REXO1: variants seen among roughly 807,000 people sequenced by gnomAD.
The protein encoded by REXO1 is REX1, RNA exonuclease 1 homolog.
Under a neutral mutation model 102.6 loss-of-function variants are expected in REXO1, and 42 were observed. The observed-to-expected ratio is 0.41, with a 90% CI of 0.32 to 0.53. The LOEUF (loss-of-function observed/expected upper bound fraction) is 0.53. Ranked by LOEUF, REXO1 falls within the 20% of genes least tolerant of loss-of-function variation. The probability of loss-of-function intolerance (pLI) is 0.27; values close to 1 mark genes in which losing one functional copy is unlikely to be tolerated. For missense variants in REXO1, 1,819 were observed against 1,732.5 expected (o/e 1.05, Z -0.89); for synonymous variants, 908 against 779.1 (o/e 1.17, Z -2.76).
Position 1,828,377 on chromosome 19 carries a change from C to G in REXO1, c.412G>C (p.Val138Leu), listed in dbSNP as rs376388296. 4.0e-5 allele frequency: 65 copies of G among 1,608,714 alleles called. No individual in the cohort carries two copies. Among genetic ancestry groups the G allele is most frequent in the Non-Finnish European group, 5.0e-5 (59 of 1,177,852 alleles). Residue 138 changes from valine to leucine, a missense_variant, in exon 2 of 16, where the codon GTG (valine) becomes CTG (leucine). Physicochemically the swap from Val to Leu is conservative, Grantham distance 32. Coordinates refer to ENST00000170168, the MANE Select transcript of REXO1 (RefSeq NM_020695.4). ...GGGAAGGCATCCTCGTCCGGGCCCA[C>G]AGTGGGGCTGGCGTTGGGGCCGCGG... ...APRGPNASPT[V>L]GPDEDAFPLA...
In REXO1 at chr19:1,816,180, C is replaced by G. The variant is rs763988557; in HGVS notation, c.3578-26G>C. ...CTGCGGGGCAGATGCGGTGAGCACC[C>G]GGCCCCTGCGCAGGGACGGCCCCAG... On this transcript the variant is annotated intron_variant, in intron 15 of 15. Transcript: ENST00000170168. 1.9e-6 allele frequency: 3 copies of G among 1,557,932 alleles called. No homozygotes were observed. The Admixed American group carries it at 5.8e-5, about 30-fold the overall frequency.
Position 1,828,304 on chromosome 19 carries a change from T to C in REXO1, c.485A>G (p.Asp162Gly). The C allele has an allele frequency of 6.2e-7, 1 of 1,608,598 alleles. No homozygotes were observed. ...CAGTGGGGTGGGCTGGTAGCCGGCA[T>C]CAGGGCTTAATAGGCCGTGGCTGCC... is the stretch of plus-strand genomic sequence containing the variant. ...SPGSHGLLSP[D>G]AGYQPTPLAA... Residue 162 changes from aspartate (D) to glycine (G), a missense_variant, in exon 2 of 16, where the codon GAT becomes GGT. Physicochemically the swap from Asp to Gly is moderately conservative, Grantham distance 94. Transcript: ENST00000170168.
At chr19:1,840,188 C>G (rs535065968) in intron 1 of REXO1, among the ~76,000 whole-genome samples, 1 of 152,230 alleles carries the variant, frequency 6.6e-6, no homozygotes, top group African/African-American at 2.4e-5. Context: ...GGCCCTGCCC[C>G]CTGCCAGGCT....
At chr19:1,823,226 C>A (rs961723123) in intron 4 of REXO1, 37 of 292,792 alleles carry the variant, frequency 1.3e-4, no homozygotes, top group Non-Finnish European at 1.3e-4. Context: ...GAAAGCCACA[C>A]CTGCAGAAGC....
chr19:1,846,707 T>A (rs1027382474), intron 1 of REXO1, among the ~76,000 whole-genome samples: 2 of 151,968 alleles, frequency 1.3e-5, no homozygotes, highest in South Asian at 4.1e-4. Flanking sequence ...CTGGACAACA[T>A]AGCGAGACCC....
chr19:1,848,227 G>C lies in REXO1; in HGVS notation c.132C>G (p.Asp44Glu), dbSNP rs1291812798. The C allele has an allele frequency of 2.4e-6, 3 of 1,227,060 alleles. No individual in the cohort carries two copies. The highest frequency in any genetic ancestry group is 6.5e-5 in the East Asian group (2 of 30,910). The allele number at this position is 1,227,060 out of a possible 1,614,324, so 76.0% of individuals were successfully genotyped here. A position where few individuals can be genotyped will look rare whatever the true frequency, so the allele number is the denominator to read the frequency against. ...RGARGSGAPG[D>E]GGEAPPAAGL... ...CTGCTGCGGGGGGCGCCTCTCCGCC[G>C]TCACCGGGCGCGCCGGAGCCCCGGG... Residue 44 changes from aspartate to glutamate, a missense_variant, in exon 1 of 16, where the codon GAC becomes GAG. Coordinates refer to ENST00000170168, the MANE Select transcript of REXO1 (RefSeq NM_020695.4).
At chr19:1,842,945 T>TG (rs1438879642) in intron 1 of REXO1, among the ~76,000 whole-genome samples, 2 of 152,188 alleles carry the variant, frequency 1.3e-5, no homozygotes, top group African/African-American at 4.8e-5. Flanking sequence ...GCCATCCACC[T>TG]GGGGGAGAGC....
chr19:1,823,883 G>A (rs2069626857), intron 3 of REXO1, 98 bp from the exon 4 acceptor site: 3 of 478,806 alleles, frequency 6.3e-6, no homozygotes, highest in Non-Finnish European at 1.0e-5. Flanking sequence ...GAGCTCGGGG[G>A]CCGGAGGCAC....
chr19:1,847,476 C>T (rs1202534240), intron 1 of REXO1, among the ~76,000 whole-genome samples: 2 of 151,958 alleles, frequency 1.3e-5, no homozygotes, highest in African/African-American at 2.4e-5. Flanking sequence ...ACTCGATAAC[C>T]CTCCCTCCAC....
chr19:1,823,306 G>C, intron 4 of REXO1: 1 of 386,480 alleles, frequency 2.6e-6, no homozygotes, highest in Non-Finnish European at 4.6e-6. Context: ...CTCAGGCCCT[G>C]GTTCAGCCCA....
At chr19:1,817,893 G>A in intron 10 of REXO1, 113 bp from the exon 11 acceptor site, 1 of 791,342 alleles carries the variant, frequency 1.3e-6, no homozygotes, top group Non-Finnish European at 2.1e-6. Context: ...ACTGAGGACA[G>A]GAGGCCTCAG....
In REXO1 at chr19:1,827,014, C is replaced by CTGGAGG. The variant is rs760725493; in HGVS notation, c.1769_1774dup (p.Thr590_Ser591dup). 4.9e-5 allele frequency: 70 copies of CTGGAGG among 1,436,754 alleles called. 1 individual carries two copies. The highest frequency in any genetic ancestry group is 4.7e-4 in the East Asian group (15 of 32,054). The allele number at this position is 1,436,754 out of a possible 1,614,324, so 89.0% of individuals were successfully genotyped here. On this transcript the variant is annotated inframe_insertion, in exon 2 of 16. Coordinates refer to ENST00000170168, the MANE Select transcript of REXO1 (RefSeq NM_020695.4). ...CGAGTAGTCCACATCCGCCCCCGCGCTGGAGGTGGAGGAGGAGGAGGAGGA... is the reference window on the plus strand; with the variant it reads ...CGAGTAGTCCACATCCGCCCCCGCGCTGGAGGTGGAGGTGGAGGAGGAGGAGGAGGA...
rs397774686 is a variant in REXO1 at position 1,824,799 on chromosome 19, T to TATC, written c.2017-1015_2017-1014insGAT. ...GGATAACTCATTTTATGTATTTATCTTTTTGAGACAGAGTCTTGCCTTGTC... is the reference window on the plus strand; with the variant it reads ...GGATAACTCATTTTATGTATTTATCTATCTTTTGAGACAGAGTCTTGCCTTGTC... On this transcript the variant is annotated intron_variant, in intron 3 of 15. Transcript: ENST00000170168. 7.6e-4 allele frequency among the ~76,000 whole-genome samples: 116 copies of TATC among 151,952 alleles called. 2 individuals carry two copies. Among genetic ancestry groups the TATC allele is most frequent in the South Asian group, 4.8e-3 (23 of 4,804 alleles).
rs796795122 is a variant in REXO1 at position 1,839,224 on chromosome 19, C to T, written c.157+8978G>A. On this transcript the variant is annotated intron_variant, in intron 1 of 15. Coordinates refer to ENST00000170168, the MANE Select transcript of REXO1 (RefSeq NM_020695.4). ...GAGCCAAGATCACGCCACTGCACTCCAGCCAGGGCGACAGAGCGAGACTCT... is the reference window on the plus strand; with the variant it reads ...GAGCCAAGATCACGCCACTGCACTCTAGCCAGGGCGACAGAGCGAGACTCT... Among the ~76,000 whole-genome samples the T allele has an allele frequency of 1.1e-4, 16 of 150,676 alleles. 2 individuals carry two copies. Among genetic ancestry groups the T allele is most frequent in the African/African-American group, 3.9e-4 (16 of 40,836 alleles).
chr19:1,827,637 T>C lies in REXO1; in HGVS notation c.1152A>G (p.Pro384=), dbSNP rs777955978. The change falls in exon 2 of 16, where the codon CCA becomes CCG. Residue 384 remains proline (P), a synonymous_variant. Transcript: ENST00000170168. ...GKPKKKKTGA[P]PAPSCKDGAQ... ...CCCCGTCTTTGCAGCTGGGGGCAGG[T>C]GGGGCCCCGGTTTTTTTCTTCTTGG... 3.2e-6 allele frequency: 5 copies of C among 1,572,370 alleles called. No homozygotes were observed. The highest frequency in any genetic ancestry group is 2.3e-5 in the South Asian group (2 of 85,604).
intron 1 of REXO1, among the ~76,000 whole-genome samples, chr19:1,831,979 T>C (rs2145299963): frequency 6.7e-6 from 1 of 148,940 alleles, no homozygotes; most frequent in East Asian, 2.0e-4. Context: ...TCCTAATCCC[T>C]GGGACCTGTG....
intron 1 of REXO1, among the ~76,000 whole-genome samples, chr19:1,836,517 G>T (rs895982579): frequency 6.6e-6 from 1 of 151,812 alleles, no homozygotes; most frequent in Non-Finnish European, 1.5e-5. Context: ...AGGCCGAGAC[G>T]GGTGGATCAC....
intron 5 of REXO1, 56 bp downstream of exon 5, chr19:1,821,463 G>GGGCCTC: frequency 6.2e-7 from 1 of 1,605,072 alleles, no homozygotes; most frequent in Non-Finnish European, 8.5e-7. Context: ...CCATGTGGCC[G>GGGCCTC]GGCCTCAGGG....
At chr19:1,832,605 T>C (rs950450334) in intron 1 of REXO1, among the ~76,000 whole-genome samples, 9 of 151,148 alleles carry the variant, frequency 6.0e-5, no homozygotes, top group African/African-American at 2.2e-4. Flanking sequence ...GGCTCACGCC[T>C]GTCATCCCAG....
Sources: allele counts gnomAD v4.1 joint callset (sites outside exome capture counted in the v4.1 genomes callset), GRCh38; gene constraint gnomAD v4.1.1; transcripts MANE v1.5; gene names NCBI Gene and HGNC (gene_info 2026-07-23, HGNC 2026-07-21).